Variants in PRKAG2 observed in about 807,000 individuals in gnomAD.
The protein encoded by PRKAG2 is protein kinase AMP-activated non-catalytic subunit gamma 2.
In PRKAG2, 26 loss-of-function variants were observed where a neutral mutation model predicts 69.6. The ratio of observed to expected loss-of-function variants is 0.37; its 90% CI spans 0.27 to 0.52. The LOEUF (loss-of-function observed/expected upper bound fraction) is 0.52, where lower values mean the gene tolerates loss of function less well. Ranked by LOEUF, PRKAG2 falls within the 20% of genes least tolerant of loss-of-function variation. PRKAG2 has a pLI of 0.90. For synonymous variants in PRKAG2, 293 were observed against 285.0 expected, an observed-to-expected ratio of 1.03 and a Z score of -0.28; for missense variants, 557 against 740.0, an observed-to-expected ratio of 0.75 and a Z score of 2.87.
chr7:151,739,968 A>G (rs971550829), intron 3 of PRKAG2, among the ~76,000 whole-genome samples: 14 of 152,076 alleles, frequency 9.2e-5, no homozygotes, highest in African/African-American at 3.4e-4. Context: ...TAGCTCTTCT[A>G]TTCTATATGT....
At chr7:151,853,218 C>T (rs1349232844) in intron 1 of PRKAG2, among the ~76,000 whole-genome samples, 2 of 152,142 alleles carry the variant, frequency 1.3e-5, no homozygotes, top group African/African-American at 4.8e-5. Flanking sequence ...ATAGGCGCAG[C>T]ACCCTGGAGG....
In PRKAG2 at chr7:151,832,213, G is replaced by A. The variant is rs897186778; in HGVS notation, c.114+44294C>T. On this transcript the variant is annotated intron_variant, in intron 1 of 15. Transcript: ENST00000287878. ...ACTAGTGACTGATTAGAGGGAGGAA[G>A]AGGAGGGGAGGAGGGAAGGAGAGGA... Among the ~76,000 whole-genome samples the A allele has an allele frequency of 2.9e-4, 34 of 118,446 alleles. 1 individual carries two copies. Among genetic ancestry groups the A allele is most frequent in the Admixed American group, 2.6e-3 (31 of 11,758 alleles). 77.7% of individuals were successfully genotyped at this position (118,446 alleles called of 152,430 possible).
chr7:151,853,577 T>C (rs915872414), intron 1 of PRKAG2, among the ~76,000 whole-genome samples: 1 of 151,530 alleles, frequency 6.6e-6, no homozygotes, highest in African/African-American at 2.4e-5. Context: ...GCTAACACAG[T>C]GAAATGCCAG....
intron 3 of PRKAG2, among the ~76,000 whole-genome samples, chr7:151,716,234 G>A (rs965008985): frequency 6.6e-6 from 1 of 152,216 alleles, no homozygotes; most frequent in Non-Finnish European, 1.5e-5. Flanking sequence ...TGAACCTGAG[G>A]TGCCCTTGGC....
At chr7:151,626,945 T>A (rs1175524583) in intron 5 of PRKAG2, among the ~76,000 whole-genome samples, 1 of 152,132 alleles carries the variant, frequency 6.6e-6, no homozygotes, top group Non-Finnish European at 1.5e-5. Context: ...CAAGAACCGA[T>A]CTTCACTTAC....
chr7:151,614,521 C>A lies in PRKAG2; in HGVS notation c.754+17548G>T, dbSNP rs1194336598. ...GGACGTCTCTGAGACCCTGCTCCCT[C>A]CATCGTGACTCTCCGTCCCATCCCT... On this transcript the variant is annotated intron_variant, in intron 5 of 15. Coordinates refer to ENST00000287878, the MANE Select transcript of PRKAG2 (RefSeq NM_016203.4). This position sits in a 1 kb window ranked among gnomAD's most constrained non-coding sequence, Gnocchi z 4.4. Among the ~76,000 whole-genome samples, 2 of 152,168 alleles carry A rather than the reference C, an allele frequency of 1.3e-5. No individual in the cohort carries two copies. The highest frequency in any genetic ancestry group is 4.8e-5 in the African/African-American group (2 of 41,448).
chr7:151,775,067 G>A (rs1445840021), intron 3 of PRKAG2, among the ~76,000 whole-genome samples: 1 of 152,222 alleles, frequency 6.6e-6, no homozygotes, highest in Non-Finnish European at 1.5e-5. Flanking sequence ...CCTCCATGGG[G>A]GAAGCAGCTT....
At chr7:151,832,598 G>GGA (rs1554614854) in intron 1 of PRKAG2, among the ~76,000 whole-genome samples, 2 of 151,570 alleles carry the variant, frequency 1.3e-5, no homozygotes, top group African/African-American at 4.8e-5. Context: ...GCATCTCTGG[G>GGA]GGGGGGGTCC....
chr7:151,764,278 T>C (rs1351819467), intron 3 of PRKAG2, among the ~76,000 whole-genome samples: 2 of 152,314 alleles, frequency 1.3e-5, no homozygotes, highest in Admixed American at 1.3e-4. Flanking sequence ...TTCAGGCCAC[T>C]GCCCTGGGCC....
chr7:151,793,605 G>A (rs1184619258), intron 1 of PRKAG2, among the ~76,000 whole-genome samples: 1 of 152,204 alleles, frequency 6.6e-6, no homozygotes, highest in Non-Finnish European at 1.5e-5. Flanking sequence ...CACTGCCCGG[G>A]GAGTGGCTCA....
intron 3 of PRKAG2, among the ~76,000 whole-genome samples, chr7:151,769,898 C>T (rs188802983): frequency 1.4e-4 from 21 of 152,242 alleles, no homozygotes; most frequent in African/African-American, 4.8e-4. Context: ...ACCACGGAGG[C>T]CAAATTCAGT....
At chr7:151,581,506 T>C (rs545442144) in intron 6 of PRKAG2, among the ~76,000 whole-genome samples, 4 of 152,340 alleles carry the variant, frequency 2.6e-5, no homozygotes, top group East Asian at 3.9e-4. Flanking sequence ...GCAGAGACTA[T>C]TGTATCCAGC....
chr7:151,583,178 G>A lies in PRKAG2; in HGVS notation c.865-6726C>T, dbSNP rs1488802859. On this transcript the variant is annotated intron_variant, in intron 6 of 15. Coordinates refer to ENST00000287878, the MANE Select transcript of PRKAG2 (RefSeq NM_016203.4). The surrounding 1 kb of genome is among the most constrained non-coding windows in gnomAD (Gnocchi z 4.1). ...TGGGATCACAGGCATATGCCACCAT[G>A]CTCAGCTAATTTTTAAATCTTTTTG... is the stretch of plus-strand genomic sequence containing the variant. Among the ~76,000 whole-genome samples, 2 of 152,114 alleles carry A rather than the reference G, an allele frequency of 1.3e-5. No individual in the cohort carries two copies. The highest frequency in any genetic ancestry group is 4.8e-5 in the African/African-American group (2 of 41,424).
intron 3 of PRKAG2, among the ~76,000 whole-genome samples, chr7:151,722,453 C>T (rs1797263543): frequency 6.6e-6 from 1 of 152,184 alleles, no homozygotes; most frequent in South Asian, 2.1e-4. Context: ...CTACTCTTGG[C>T]ATCAAAACTT....
intron 5 of PRKAG2, among the ~76,000 whole-genome samples, chr7:151,611,944 CTG>C (rs1818974901): frequency 1.3e-5 from 2 of 152,142 alleles, no homozygotes; most frequent in Admixed American, 1.3e-4. Flanking sequence ...ACTCGAGAGA[CTG>C]AGGCTTGAGA....
At position 151,751,098 on chromosome 7, in the gene PRKAG2, C is replaced by CTTTT. The variant is rs11386133; in HGVS notation, c.466+30050_466+30053dup. On this transcript the variant is annotated intron_variant, in intron 3 of 15. Coordinates refer to ENST00000287878, the MANE Select transcript of PRKAG2 (RefSeq NM_016203.4). ...TTTTGCCATACTGATTCAAAGATTC[C>CTTTT]TTTTTTTTTTTTTTTTTGAGACGGA... Among the ~76,000 whole-genome samples the CTTTT allele has an allele frequency of 1.0e-3, 132 of 130,876 alleles. 2 individuals are homozygous for CTTTT. The highest frequency in any genetic ancestry group is 4.1e-3 in the Middle Eastern group (1 of 242). The allele number at this position is 130,876 out of a possible 152,430, so 85.9% of individuals were successfully genotyped here. A position where few individuals can be genotyped will look rare whatever the true frequency, so the allele number is the denominator to read the frequency against.
chr7:151,857,896 T>C (rs564729641), intron 1 of PRKAG2, among the ~76,000 whole-genome samples: 1 of 152,224 alleles, frequency 6.6e-6, no homozygotes, highest in Non-Finnish European at 1.5e-5. Context: ...TAGGAAGGAA[T>C]GGGGCATAGG....
intron 4 of PRKAG2, among the ~76,000 whole-genome samples, chr7:151,664,814 G>A (rs551654481): frequency 3.9e-5 from 6 of 152,276 alleles, no homozygotes; most frequent in African/African-American, 1.4e-4. Context: ...TTTGAGCCCT[G>A]GCCTCACCCA....
At chr7:151,576,059 C>T (rs1808861972) in intron 7 of PRKAG2, 1 of 395,166 alleles carries the variant, frequency 2.5e-6, no homozygotes, top group Non-Finnish European at 4.7e-6. Context: ...ATGGCCTTGA[C>T]CTCCTGGGCT....
Sources: gnomAD v4.1 joint callset for allele counts (sites outside exome capture counted in the v4.1 genomes callset) on GRCh38, gnomAD v4.1.1 for gene constraint, Gnocchi (gnomAD v3.1) non-coding constraint, MANE v1.5 for transcripts, NCBI Gene and HGNC (gene_info 2026-07-23, HGNC 2026-07-21) for gene names.